MARCHF1: variants seen among roughly 807,000 people sequenced by gnomAD.
The protein encoded by MARCHF1 is membrane associated ring-CH-type finger 1, also known as E3 ubiquitin-protein ligase MARCHF1.
Under a neutral mutation model 54.2 loss-of-function variants are expected in MARCHF1, and 40 were observed. The ratio of observed to expected loss-of-function variants is 0.74; its 90% confidence interval spans 0.57 to 0.96. The LOEUF is 0.96. MARCHF1 is among the 40% of genes least tolerant of loss of function. The probability of loss-of-function intolerance (pLI) is 0.00; values close to 1 mark genes in which losing one functional copy is unlikely to be tolerated. For synonymous variants in MARCHF1, 236 were observed against 236.3 expected, an observed-to-expected ratio of 1.00 and a Z score of 0.01; for missense variants, 586 against 656.5, an observed-to-expected ratio of 0.89 and a Z score of 1.17.
chr4:163,757,856 T>C (rs1018816307), intron 4 of MARCHF1, among the ~76,000 whole-genome samples: 2 of 152,202 alleles, frequency 1.3e-5, no homozygotes, highest in Admixed American at 1.3e-4. Flanking sequence ...AGCATTAGCA[T>C]GCCTCACTGT....
At chr4:164,132,595 T>TC in intron 1 of MARCHF1, among the ~76,000 whole-genome samples, 1 of 152,274 alleles carries the variant, frequency 6.6e-6, no homozygotes, top group East Asian at 1.9e-4. Context: ...CGCACATTTT[T>TC]CCCCCTGCAA....
intron 1 of MARCHF1, among the ~76,000 whole-genome samples, chr4:164,231,889 G>A (rs182333055): frequency 4.6e-5 from 7 of 151,902 alleles, no homozygotes; most frequent in Non-Finnish European, 1.0e-4. Flanking sequence ...TACTAATTAC[G>A]GACAACTATA....
At chr4:164,185,439 A>G (rs1730941847) in intron 1 of MARCHF1, among the ~76,000 whole-genome samples, 1 of 152,182 alleles carries the variant, frequency 6.6e-6, no homozygotes, top group Non-Finnish European at 1.5e-5. Flanking sequence ...TGCACATGTC[A>G]AATAAGTTTT....
At chr4:164,070,178 C>T (rs1333656084) in intron 2 of MARCHF1, among the ~76,000 whole-genome samples, 2 of 152,184 alleles carry the variant, frequency 1.3e-5, no homozygotes, top group African/African-American at 4.8e-5. Context: ...TACTCCCTAT[C>T]TGGGTGCAAT....
chr4:164,199,992 T>C (rs952605128), intron 1 of MARCHF1, among the ~76,000 whole-genome samples: 4 of 152,208 alleles, frequency 2.6e-5, no homozygotes, highest in Non-Finnish European at 5.9e-5. Flanking sequence ...TTTTGCTTTT[T>C]CCTGGGACCT....
chr4:164,042,951 C>T (rs552384868), intron 2 of MARCHF1, among the ~76,000 whole-genome samples: 96 of 152,342 alleles, frequency 6.3e-4, no homozygotes, highest in African/African-American at 2.2e-3. Flanking sequence ...GTATTTCTCA[C>T]ATCCAGGGCA....
intron 4 of MARCHF1, among the ~76,000 whole-genome samples, chr4:163,719,786 G>C (rs1242642846): frequency 1.3e-5 from 2 of 152,142 alleles, no homozygotes; most frequent in African/African-American, 2.4e-5. Flanking sequence ...GGCCAGTGAT[G>C]ATGAGCATTT....
chr4:163,887,110 T>C (rs1363255857), intron 3 of MARCHF1, among the ~76,000 whole-genome samples: 1 of 152,090 alleles, frequency 6.6e-6, no homozygotes, highest in Non-Finnish European at 1.5e-5. Context: ...CTTTAGAAAC[T>C]GAGATTTTAG....
rs1170692345 is a variant in MARCHF1, at chr4:163,801,048, G to A, written c.111+52973C>T. 2.0e-5 allele frequency among the ~76,000 whole-genome samples: 3 copies of A among 152,102 alleles called. No homozygotes were observed. In the East Asian group the frequency reaches 5.8e-4, roughly 29 times the overall value. ...AACACCAAGTACTAAATCTGTTCATGTCTATAACTGGCATTCACAGAAAAC... is the reference window on the plus strand; with the variant it reads ...AACACCAAGTACTAAATCTGTTCATATCTATAACTGGCATTCACAGAAAAC... On this transcript the variant is annotated intron_variant, in intron 4 of 9. Coordinates refer to ENST00000514618, the MANE Select transcript of MARCHF1 (RefSeq NM_001394959.1).
intron 1 of MARCHF1, among the ~76,000 whole-genome samples, chr4:164,312,447 C>G (rs922583446): frequency 2.0e-5 from 3 of 150,936 alleles, no homozygotes; most frequent in Admixed American, 1.3e-4. Flanking sequence ...CTCAGCCTCC[C>G]GAGTAGCTGG....
At chr4:163,983,541 T>C (rs1752802759) in intron 3 of MARCHF1, among the ~76,000 whole-genome samples, 3 of 152,098 alleles carry the variant, frequency 2.0e-5, no homozygotes, top group Admixed American at 6.6e-5. Flanking sequence ...TCCCCCCACT[T>C]AGAGGTTAGC....
Position 163,612,884 on chromosome 4 carries a change from C to G in MARCHF1, c.397G>C (p.Glu133Gln). 1 of 1,535,486 alleles carries G rather than the reference C, an allele frequency of 6.5e-7. No individual in the cohort carries two copies. Among genetic ancestry groups the G allele is most frequent in the East Asian group, 2.4e-5 (1 of 40,892 alleles). The change falls in exon 7 of 10, where the codon GAA (glutamate) becomes CAA (glutamine). Residue 133 changes from glutamate to glutamine, a missense_variant. Glu to Gln is a conservative substitution (Grantham distance 29, BLOSUM62 2). Coordinates refer to ENST00000514618, the MANE Select transcript of MARCHF1 (RefSeq NM_001394959.1). ...KASERYEHAA[E>Q]EQIRGRKNDF... is the part of the protein sequence containing the mutation. The stretch of plus-strand genomic sequence containing the variant: ...TTTTTTCTCCCTCTTATTTGTTCTT[C>G]TGCAGCATGCTCATATCTCTCAGAG...
intron 5 of MARCHF1, among the ~76,000 whole-genome samples, chr4:163,648,981 A>G (rs1387238894): frequency 6.6e-6 from 1 of 151,874 alleles, no homozygotes; most frequent in East Asian, 1.9e-4. Flanking sequence ...CAATGTGATA[A>G]TATTTTTTGC....
At chr4:163,870,388 A>T (rs542516879) in intron 3 of MARCHF1, among the ~76,000 whole-genome samples, 4 of 152,266 alleles carry the variant, frequency 2.6e-5, no homozygotes, top group Non-Finnish European at 4.4e-5. Flanking sequence ...ATGGACAAAT[A>T]AGCGGAAATA....
chr4:163,603,580 A>G (rs781449109), intron 7 of MARCHF1, among the ~76,000 whole-genome samples: 1 of 152,130 alleles, frequency 6.6e-6, no homozygotes, highest in Non-Finnish European at 1.5e-5. Flanking sequence ...GTAATTCTTT[A>G]GCATGAGGAC....
intron 4 of MARCHF1, among the ~76,000 whole-genome samples, chr4:163,769,294 T>C (rs933333457): frequency 6.6e-6 from 1 of 152,164 alleles, no homozygotes; most frequent in Admixed American, 6.5e-5. Flanking sequence ...TGCTCATTCA[T>C]TTTTATGGCA....
At chr4:164,035,666 C>T (rs899724704) in intron 2 of MARCHF1, among the ~76,000 whole-genome samples, 3 of 144,450 alleles carry the variant, frequency 2.1e-5, no homozygotes, top group Non-Finnish European at 4.6e-5. Flanking sequence ...AAAATAGAAA[C>T]ATTCACACAG....
chr4:164,285,797 C>G (rs754438971), intron 1 of MARCHF1, among the ~76,000 whole-genome samples: 31 of 139,530 alleles, frequency 2.2e-4, no homozygotes, highest in Non-Finnish European at 3.9e-4. Flanking sequence ...CCTAATATTG[C>G]TCCACCTTCT....
chr4:164,090,947 G>A (rs1274911766), intron 2 of MARCHF1, among the ~76,000 whole-genome samples: 1 of 151,394 alleles, frequency 6.6e-6, no homozygotes, highest in African/African-American at 2.4e-5. Context: ...TTTGATTGAA[G>A]TGAGTTAAAG....
Sources: gnomAD v4.1 joint callset for allele counts (sites outside exome capture counted in the v4.1 genomes callset) on GRCh38, gnomAD v4.1.1 for gene constraint, MANE v1.5 for transcripts, NCBI Gene and HGNC (gene_info 2026-07-23, HGNC 2026-07-21) for gene names.